KIAA1217: variants seen among roughly 807,000 people sequenced by gnomAD.
KIAA1217 encodes KIAA1217, also known as sickle tail protein homolog.
In KIAA1217, 88 loss-of-function variants were observed where a neutral mutation model predicts 163.9. That is an observed-to-expected ratio of 0.54 (90% confidence interval 0.45 to 0.64). The LOEUF (loss-of-function observed/expected upper bound fraction) is 0.64. Among genes scored for constraint, KIAA1217 ranks in the 30% least tolerant of loss-of-function variants. The pLI is 0.00. For synonymous variants in KIAA1217, 903 were observed against 923.1 expected, an observed-to-expected ratio of 0.98 and a Z score of 0.39; for missense variants, 2,372 against 2,475.0, an observed-to-expected ratio of 0.96 and a Z score of 0.88.
At chr10:24,077,952 C>A (rs1009425458) in intron 2 of KIAA1217, among the ~76,000 whole-genome samples, 6 of 152,030 alleles carry the variant, frequency 3.9e-5, no homozygotes, top group Non-Finnish European at 7.4e-5. Flanking sequence ...TGGTGTTGAG[C>A]TTTTTTTTCA....
chr10:24,312,859 G>T (rs2042886481), intron 2 of KIAA1217, among the ~76,000 whole-genome samples: 1 of 151,760 alleles, frequency 6.6e-6, no homozygotes, highest in South Asian at 2.1e-4. Flanking sequence ...TGGGCTGCAG[G>T]GAGCCTTGAT....
intron 2 of KIAA1217, among the ~76,000 whole-genome samples, chr10:24,014,961 T>C (rs1351272715): frequency 6.6e-6 from 1 of 152,010 alleles, no homozygotes; most frequent in Non-Finnish European, 1.5e-5. Flanking sequence ...AAAAATATAA[T>C]TCTAAAATAA....
chr10:24,381,765 G>A (rs2053338255), intron 3 of KIAA1217, among the ~76,000 whole-genome samples: 1 of 152,188 alleles, frequency 6.6e-6, no homozygotes, highest in Non-Finnish European at 1.5e-5. Context: ...CAGTCCCAGA[G>A]GCCAGGACAG....
At chr10:24,369,179 ATGTGTGTGTG>A (rs59687010) in intron 2 of KIAA1217, among the ~76,000 whole-genome samples, 35 of 139,634 alleles carry the variant, frequency 2.5e-4, no homozygotes, top group Middle Eastern at 3.6e-3. Flanking sequence ...AACTTTCACT[ATGTGTGTGTG>A]TGTGTGTGTG....
chr10:24,016,538 A>G (rs1217071043), intron 2 of KIAA1217, among the ~76,000 whole-genome samples: 1 of 152,194 alleles, frequency 6.6e-6, no homozygotes, highest in African/African-American at 2.4e-5. Context: ...TGTCAACACA[A>G]CTATTAAAAT....
intron 1 of KIAA1217, among the ~76,000 whole-genome samples, chr10:23,792,795 C>T (rs958393267): frequency 6.6e-6 from 1 of 152,080 alleles, no homozygotes; most frequent in Non-Finnish European, 1.5e-5. Context: ...AGCCACTGCG[C>T]CCGGTCTCTT....
intron 1 of KIAA1217, among the ~76,000 whole-genome samples, chr10:23,819,116 T>G (rs1837499511): frequency 6.6e-6 from 1 of 152,214 alleles, no homozygotes; most frequent in South Asian, 2.1e-4. Flanking sequence ...TGAGCAGGCT[T>G]TCTGTGGAAA....
At chr10:24,051,714 A>G (rs1462555042) in intron 2 of KIAA1217, among the ~76,000 whole-genome samples, 1 of 152,028 alleles carries the variant, frequency 6.6e-6, no homozygotes, top group African/African-American at 2.4e-5. Context: ...GTGATGTTGA[A>G]CATTTTTCAT....
At chr10:23,855,669 CT>C (rs1439697368) in intron 1 of KIAA1217, among the ~76,000 whole-genome samples, 1 of 152,212 alleles carries the variant, frequency 6.6e-6, no homozygotes, top group Non-Finnish European at 1.5e-5. Flanking sequence ...TAGATTTCGT[CT>C]TTTCATGTAG....
At chr10:23,808,018 A>G (rs1019997656) in intron 1 of KIAA1217, among the ~76,000 whole-genome samples, 4 of 152,234 alleles carry the variant, frequency 2.6e-5, no homozygotes, top group African/African-American at 9.6e-5. Flanking sequence ...CAAACTTGCC[A>G]TATCTCTGGT....
chr10:24,337,629 TC>T (rs2046535684), intron 2 of KIAA1217, among the ~76,000 whole-genome samples: 5 of 58,236 alleles, frequency 8.6e-5, no homozygotes, highest in African/African-American at 3.6e-4. Flanking sequence ...TCTTTTCTTT[TC>T]TTTTCTTTTC....
At chr10:23,978,424 T>C (rs1238238836) in intron 1 of KIAA1217, among the ~76,000 whole-genome samples, 2 of 152,196 alleles carry the variant, frequency 1.3e-5, no homozygotes, top group African/African-American at 4.8e-5. Flanking sequence ...GTGGGTGTCT[T>C]TTCTGATACT....
At chr10:23,890,644 G>T (rs1393662420) in intron 1 of KIAA1217, among the ~76,000 whole-genome samples, 2 of 151,928 alleles carry the variant, frequency 1.3e-5, no homozygotes, top group East Asian at 3.9e-4. Flanking sequence ...GAAATTTTTT[G>T]AATGCATTAT....
At chr10:24,476,967 C>T (rs1272883165) in intron 6 of KIAA1217, among the ~76,000 whole-genome samples, 1 of 152,124 alleles carries the variant, frequency 6.6e-6, no homozygotes, top group African/African-American at 2.4e-5. Flanking sequence ...CCGCTAACTC[C>T]CCTCAGTCAC....
chr10:24,091,153 T>C lies in KIAA1217; in HGVS notation c.-171+83779T>C, dbSNP rs554619429. Among the ~76,000 whole-genome samples the C allele has an allele frequency of 2.0e-5, 3 of 152,036 alleles. 1 individual carries two copies. Among genetic ancestry groups the C allele is most frequent in the African/African-American group, 7.3e-5 (3 of 41,272 alleles). Reference sequence around the variant, plus strand: ...GGCGTTAAATCTGATATCCAACAACTGACTGTGTTATTATCAGTCCTGCCT... The same window carrying C: ...GGCGTTAAATCTGATATCCAACAACCGACTGTGTTATTATCAGTCCTGCCT... On this transcript the variant is annotated intron_variant, in intron 2 of 18. Coordinates refer to the KIAA1217 transcript ENST00000376462.
At chr10:24,074,782 C>A (rs2061315037) in intron 2 of KIAA1217, among the ~76,000 whole-genome samples, 1 of 150,150 alleles carries the variant, frequency 6.7e-6, no homozygotes, top group African/African-American at 2.5e-5. Flanking sequence ...CTCAGTGCAG[C>A]CTTTACCTCC....
intron 2 of KIAA1217, among the ~76,000 whole-genome samples, chr10:24,182,009 G>A (rs2066193595): frequency 6.6e-6 from 1 of 152,198 alleles, no homozygotes; most frequent in South Asian, 2.1e-4. Context: ...ATTTAGATGA[G>A]CACGAGTGGG....
chr10:24,463,600 A>G (rs955192927), intron 5 of KIAA1217, among the ~76,000 whole-genome samples: 49 of 152,306 alleles, frequency 3.2e-4, no homozygotes, highest in Non-Finnish European at 2.8e-4. Context: ...TCCTAATATC[A>G]TCTTCATATC....
At chr10:23,849,566 A>T (rs562264246) in intron 1 of KIAA1217, among the ~76,000 whole-genome samples, 1 of 152,194 alleles carries the variant, frequency 6.6e-6, no homozygotes. Flanking sequence ...TGAGCTTCGC[A>T]TCTCACTCTC....
Sources: gnomAD v4.1 joint callset for allele counts (sites outside exome capture counted in the v4.1 genomes callset) on GRCh38, gnomAD v4.1.1 for gene constraint, MANE v1.5 for transcripts, NCBI Gene and HGNC (gene_info 2026-07-23, HGNC 2026-07-21) for gene names.